The following WWOX variants were observed in gnomAD, a reference collection of about 807,000 sequenced individuals.
WWOX encodes the protein WW domain containing oxidoreductase, also known as WW domain-containing oxidoreductase.
A neutral mutation model predicts 46.2 loss-of-function variants in WWOX; 69 were observed. The ratio of observed to expected loss-of-function variants is 1.49; its 90% CI spans 1.23 to 1.82. The LOEUF (loss-of-function observed/expected upper bound fraction) is 1.82. Among genes scored for constraint, WWOX ranks in the 40% most tolerant of loss-of-function variants. WWOX has a pLI of 0.00. For synonymous variants in WWOX, 359 were observed against 202.6 expected, an observed-to-expected ratio of 1.77 and a Z score of -6.56; for missense variants, 919 against 542.6, an observed-to-expected ratio of 1.69 and a Z score of -6.89.
rs368784752 is a variant in WWOX at position 78,697,484 on chromosome 16, AAAATCTATAC to A, written c.1056+264743_1056+264752del. 3.6e-3 allele frequency among the ~76,000 whole-genome samples: 547 copies of A among 152,290 alleles called. 3 individuals carry two copies. The highest frequency in any genetic ancestry group is 5.5e-3 in the Non-Finnish European group (375 of 68,030). ...AAACAGACAACCCGCAGAGTGGGAG[AAAATCTATAC>A]AAATCTATACGTCTATACAAGGACT... On this transcript the variant is annotated intron_variant, in intron 8 of 8. Coordinates refer to ENST00000566780, the MANE Select transcript of WWOX (RefSeq NM_016373.4).
intron 8 of WWOX, among the ~76,000 whole-genome samples, chr16:78,912,178 A>G (rs2045129061): frequency 2.0e-5 from 3 of 152,052 alleles, no homozygotes; most frequent in Admixed American, 2.0e-4. Context: ...TATGGCACAT[A>G]ATTAATACTA....
chr16:78,673,778 C>G (rs2047522907), intron 8 of WWOX, among the ~76,000 whole-genome samples: 1 of 152,188 alleles, frequency 6.6e-6, no homozygotes, highest in South Asian at 2.1e-4. Flanking sequence ...TTCAATACAA[C>G]CCTTTCTTTG....
At chr16:78,313,686 G>C (rs562068074) in intron 5 of WWOX, among the ~76,000 whole-genome samples, 2 of 152,100 alleles carry the variant, frequency 1.3e-5, no homozygotes, top group African/African-American at 4.8e-5. Flanking sequence ...CCTACGTACC[G>C]TGATTGCTTG....
intron 5 of WWOX, chr16:78,267,002 C>T (rs2079379936): frequency 6.5e-6 from 1 of 153,214 alleles, no homozygotes. Context: ...GTGAATAAGT[C>T]TCACAAGATC....
At chr16:79,112,946 TG>T (rs1299460378) in intron 8 of WWOX, among the ~76,000 whole-genome samples, 1 of 152,194 alleles carries the variant, frequency 6.6e-6, no homozygotes, top group African/African-American at 2.4e-5. Flanking sequence ...TGCTCTCTGC[TG>T]GCATAGATGG....
At chr16:78,532,502 G>GA (rs1466544011) in intron 8 of WWOX, among the ~76,000 whole-genome samples, 7 of 152,146 alleles carry the variant, frequency 4.6e-5, no homozygotes, top group African/African-American at 1.7e-4. Context: ...GTGTTGATAA[G>GA]AAACAGCAGG....
chr16:79,160,027 T>A (rs1024165129), intron 8 of WWOX, among the ~76,000 whole-genome samples: 2 of 152,302 alleles, frequency 1.3e-5, no homozygotes, highest in Admixed American at 6.5e-5. Flanking sequence ...ACTGCAAAAT[T>A]CCTGACAAAT....
chr16:78,723,493 T>C (rs1460984850), intron 8 of WWOX, among the ~76,000 whole-genome samples: 2 of 120,836 alleles, frequency 1.7e-5, no homozygotes, highest in African/African-American at 6.7e-5. Flanking sequence ...TTTCTCTCTT[T>C]CCAGCCTCAT....
At chr16:78,106,411 G>GTTTTTTTTTT (rs998219778) in intron 1 of WWOX, among the ~76,000 whole-genome samples, 5 of 123,744 alleles carry the variant, frequency 4.0e-5, no homozygotes, top group Non-Finnish European at 6.8e-5. Flanking sequence ...AGTCAGAACG[G>GTTTTTTTTTT]TTTTTTTTTG....
At chr16:78,956,599 G>GTATCA (rs557261266) in intron 8 of WWOX, among the ~76,000 whole-genome samples, 4 of 150,152 alleles carry the variant, frequency 2.7e-5, no homozygotes, top group Non-Finnish European at 6.0e-5. Flanking sequence ...ATCATATATT[G>GTATCA]TATCATATCA....
intron 5 of WWOX, among the ~76,000 whole-genome samples, chr16:78,250,404 A>G (rs776213043): frequency 3.9e-5 from 6 of 152,164 alleles, no homozygotes; most frequent in African/African-American, 1.4e-4. Flanking sequence ...AAGGAACAAC[A>G]ACGAACAACA....
chr16:78,195,667 C>A (rs1448849718), intron 5 of WWOX, among the ~76,000 whole-genome samples: 2 of 151,660 alleles, frequency 1.3e-5, no homozygotes, highest in African/African-American at 2.4e-5. Context: ...ACTAAAAATA[C>A]AAAAATTAGC....
chr16:78,114,920 T>A lies in WWOX; in HGVS notation c.231-56T>A, dbSNP rs2032695202. 1.9e-6 allele frequency: 3 copies of A among 1,610,442 alleles called. No individual in the cohort carries two copies. In the Admixed American group the frequency reaches 5.0e-5, roughly 27 times the overall value. The stretch of plus-strand genomic sequence containing the variant: ...TTTCCTAAAGTATAAGATTGTCTTA[T>A]ATTTATAAATGCCTGTGTTCATTGC... On this transcript the variant is annotated intron_variant, in intron 3 of 8. Coordinates refer to ENST00000566780, the MANE Select transcript of WWOX (RefSeq NM_016373.4).
At chr16:79,178,242 T>C (rs1255681365) in intron 8 of WWOX, among the ~76,000 whole-genome samples, 1 of 152,238 alleles carries the variant, frequency 6.6e-6, no homozygotes, top group Non-Finnish European at 1.5e-5. Context: ...CTAATAGTTT[T>C]ATTTACAAAA....
chr16:78,333,328 C>T (rs899320153), intron 5 of WWOX, among the ~76,000 whole-genome samples: 1 of 152,020 alleles, frequency 6.6e-6, no homozygotes, highest in African/African-American at 2.4e-5. Context: ...GGATTACAGA[C>T]ATGAGCCACC....
intron 5 of WWOX, among the ~76,000 whole-genome samples, chr16:78,217,725 C>G (rs76929650): frequency 0.019 from 2,913 of 151,934 alleles, 63 homozygotes; most frequent in East Asian, 0.095. Context: ...TTTCAGCAGA[C>G]AGTTTCTTCA....
At chr16:78,951,747 G>A (rs1476303000) in intron 8 of WWOX, among the ~76,000 whole-genome samples, 2 of 152,152 alleles carry the variant, frequency 1.3e-5, no homozygotes, top group Non-Finnish European at 2.9e-5. Context: ...CATGGAAGGG[G>A]TGAGAGAGAG....
intron 8 of WWOX, among the ~76,000 whole-genome samples, chr16:78,894,853 A>G (rs1019763950): frequency 6.6e-6 from 1 of 152,200 alleles, no homozygotes; most frequent in Non-Finnish European, 1.5e-5. Flanking sequence ...TGAGAAAAAC[A>G]GTGACTAACT....
intron 8 of WWOX, among the ~76,000 whole-genome samples, chr16:79,052,989 T>C (rs1034828641): frequency 2.4e-5 from 1 of 42,066 alleles, no homozygotes; most frequent in African/African-American, 9.5e-5. Context: ...GGGGGGTGGG[T>C]GGAGGGTCAG....
Sources: gnomAD v4.1 joint callset for allele counts (sites outside exome capture counted in the v4.1 genomes callset) on GRCh38, gnomAD v4.1.1 for gene constraint, MANE v1.5 for transcripts, NCBI Gene and HGNC (gene_info 2026-07-23, HGNC 2026-07-21) for gene names.